Variants in CNTNAP2 observed in about 807,000 individuals in gnomAD.
CNTNAP2 encodes the protein contactin associated protein 2, also known as contactin-associated protein-like 2.
Under a neutral mutation model 155.2 loss-of-function variants are expected in CNTNAP2, and 98 were observed. The observed-to-expected ratio is 0.63, with a 90% CI of 0.54 to 0.75. The LOEUF (loss-of-function observed/expected upper bound fraction) is 0.75, where lower values mean the gene tolerates loss of function less well. Ranked by LOEUF, CNTNAP2 falls within the 30% of genes least tolerant of loss-of-function variation. The probability of loss-of-function intolerance (pLI) is 0.00; values close to 1 mark genes in which losing one functional copy is unlikely to be tolerated. For synonymous variants in CNTNAP2, 651 were observed against 631.2 expected, an observed-to-expected ratio of 1.03 and a Z score of -0.47; for missense variants, 1,727 against 1,688.1, an observed-to-expected ratio of 1.02 and a Z score of -0.40.
At chr7:146,967,855 G>A (rs1797689938) in intron 3 of CNTNAP2, among the ~76,000 whole-genome samples, 1 of 151,954 alleles carries the variant, frequency 6.6e-6, no homozygotes, top group African/African-American at 2.4e-5. Context: ...TGTTGAATAG[G>A]AGTGGTGAGA....
rs376314499 is a variant in CNTNAP2, at chr7:147,678,701, A to C, written c.2098+39395A>C. On this transcript the variant is annotated intron_variant, in intron 13 of 23. Transcript: ENST00000361727. ...ATTTTACTGTCTTCACAACCACGAA[A>C]GCATATTTAGGTAAAAGTGCTAATT... Among the ~76,000 whole-genome samples, 127 of 152,092 alleles carry C rather than the reference A, an allele frequency of 8.4e-4. 2 individuals are homozygous for C. The highest frequency in any genetic ancestry group is 3.0e-3 in the African/African-American group (124 of 41,554).
intron 1 of CNTNAP2, among the ~76,000 whole-genome samples, chr7:146,259,270 A>G (rs1799884764): frequency 6.6e-6 from 1 of 152,210 alleles, no homozygotes; most frequent in South Asian, 2.1e-4. Flanking sequence ...TGATTAATAC[A>G]GAGAATTGGT....
intron 13 of CNTNAP2, among the ~76,000 whole-genome samples, chr7:147,705,363 G>C (rs1312817102): frequency 6.6e-6 from 1 of 152,116 alleles, no homozygotes; most frequent in Non-Finnish European, 1.5e-5. Context: ...AGTTTTTAAA[G>C]TGTCCCTTGT....
In CNTNAP2 at chr7:148,415,679, A is replaced by T; in HGVS notation, c.*63A>T. ...TTACTAGGGAGGAGAGAAAGGGACA[A>T]AAGCACCCTGCTTCATACTCTTGAG... is the stretch of plus-strand genomic sequence containing the variant. On this transcript the variant is annotated 3_prime_UTR_variant, in exon 24 of 24. Coordinates refer to ENST00000361727, the MANE Select transcript of CNTNAP2 (RefSeq NM_014141.6). 1 of 1,584,402 alleles carries T rather than the reference A, an allele frequency of 6.3e-7. No individual in the cohort carries two copies. The highest frequency in any genetic ancestry group is 1.1e-5 in the South Asian group (1 of 89,966).
At chr7:147,541,601 G>A (rs1416976698) in intron 11 of CNTNAP2, among the ~76,000 whole-genome samples, 1 of 152,146 alleles carries the variant, frequency 6.6e-6, no homozygotes, top group Non-Finnish European at 1.5e-5. Context: ...TGTATACTGG[G>A]CAATAAAATC....
At chr7:147,933,179 G>T (rs1800537470) in intron 14 of CNTNAP2, among the ~76,000 whole-genome samples, 1 of 152,026 alleles carries the variant, frequency 6.6e-6, no homozygotes, top group South Asian at 2.1e-4. Flanking sequence ...TAAGGCTGTG[G>T]AGAAATTGGA....
intron 1 of CNTNAP2, among the ~76,000 whole-genome samples, chr7:146,677,621 T>C (rs759604877): frequency 1.3e-5 from 2 of 152,088 alleles, no homozygotes; most frequent in Non-Finnish European, 2.9e-5. Flanking sequence ...CAGTTCACAG[T>C]GTCTGTTGTT....
chr7:147,871,180 G>C (rs1799320953), intron 13 of CNTNAP2, among the ~76,000 whole-genome samples: 1 of 152,136 alleles, frequency 6.6e-6, no homozygotes, highest in Non-Finnish European at 1.5e-5. Context: ...ATATGATTTA[G>C]ATATGTATTG....
intron 15 of CNTNAP2, among the ~76,000 whole-genome samples, chr7:148,060,252 G>A (rs945614766): frequency 6.6e-6 from 1 of 152,030 alleles, no homozygotes; most frequent in Non-Finnish European, 1.5e-5. Flanking sequence ...TGCTTTAAAT[G>A]ATTTTAAATA....
intron 4 of CNTNAP2, among the ~76,000 whole-genome samples, chr7:147,097,106 C>A (rs1203490029): frequency 6.6e-6 from 1 of 152,156 alleles, no homozygotes; most frequent in Non-Finnish European, 1.5e-5. Context: ...CAATCTCTCA[C>A]AAATAAGAGA....
chr7:146,924,800 A>G (rs1916933), intron 3 of CNTNAP2, among the ~76,000 whole-genome samples: 2,998 of 151,992 alleles, frequency 0.02, 100 homozygotes, highest in African/African-American at 0.068. Context: ...TGTTTTTTAT[A>G]TTTGTGCTTA....
chr7:146,344,964 C>T (rs1343612493), intron 1 of CNTNAP2, among the ~76,000 whole-genome samples: 1 of 152,124 alleles, frequency 6.6e-6, no homozygotes, highest in Admixed American at 6.5e-5. Flanking sequence ...TTGGAACAGT[C>T]TGGAGAATAA....
chr7:147,316,283 A>C (rs1279415454), intron 9 of CNTNAP2, among the ~76,000 whole-genome samples: 2 of 152,106 alleles, frequency 1.3e-5, no homozygotes, highest in African/African-American at 4.8e-5. Flanking sequence ...AAAAAAACAA[A>C]TGTCTGTTAT....
intron 3 of CNTNAP2, among the ~76,000 whole-genome samples, chr7:147,039,475 C>T (rs1181793686): frequency 6.6e-6 from 1 of 152,170 alleles, no homozygotes. Context: ...ATTTGGTTTT[C>T]TGTTCCTGCA....
intron 14 of CNTNAP2, among the ~76,000 whole-genome samples, chr7:147,933,080 TG>T (rs1373551610): frequency 6.0e-4 from 89 of 147,942 alleles, no homozygotes; most frequent in Non-Finnish European, 1.0e-3. Context: ...TTTGTTTGTT[TG>T]TTTGTTTGTT....
chr7:147,531,216 A>G (rs1799425613), intron 11 of CNTNAP2, among the ~76,000 whole-genome samples: 1 of 152,066 alleles, frequency 6.6e-6, no homozygotes, highest in South Asian at 2.1e-4. Context: ...CTGTCAGTGG[A>G]TCTAACATTT....
intron 11 of CNTNAP2, among the ~76,000 whole-genome samples, chr7:147,493,354 C>A (rs1798641907): frequency 6.6e-6 from 1 of 152,138 alleles, no homozygotes; most frequent in African/African-American, 2.4e-5. Context: ...GAGCAACTAC[C>A]AAATTCCTTC....
chr7:146,189,288 T>C (rs1798668999), intron 1 of CNTNAP2, among the ~76,000 whole-genome samples: 1 of 152,206 alleles, frequency 6.6e-6, no homozygotes, highest in Non-Finnish European at 1.5e-5. Context: ...TTACATTGTG[T>C]ACATAGTTAA....
chr7:146,216,642 A>C, intron 1 of CNTNAP2, among the ~76,000 whole-genome samples: 1 of 152,150 alleles, frequency 6.6e-6, no homozygotes, highest in Admixed American at 6.6e-5. Flanking sequence ...TCTTTTACGT[A>C]ATCCCATGCT....
Sources: gnomAD v4.1 joint callset for allele counts (sites outside exome capture counted in the v4.1 genomes callset) on GRCh38, gnomAD v4.1.1 for gene constraint, MANE v1.5 for transcripts, NCBI Gene and HGNC (gene_info 2026-07-23, HGNC 2026-07-21) for gene names.